Variants in YJEFN3 observed in about 807,000 individuals in gnomAD.
The protein encoded by YJEFN3 is yjeF N-terminal domain-containing protein 3.
Under a neutral mutation model 31.5 loss-of-function variants are expected in YJEFN3, and 29 were observed. That is an observed-to-expected ratio of 0.92 (90% CI 0.69 to 1.26). YJEFN3 has a LOEUF of 1.26. Ranked by LOEUF, YJEFN3 falls within the 50% of genes most tolerant of loss-of-function variation. The pLI, the probability that YJEFN3 is intolerant of heterozygous loss-of-function variation, is 0.00. For missense variants in YJEFN3, 442 were observed against 425.4 expected (o/e 1.04, Z -0.34); for synonymous variants, 227 against 196.1 (o/e 1.16, Z -1.32).
Position 19,535,056 on chromosome 19 carries a change from C to T in YJEFN3, c.341C>T (p.Ser114Phe). 1 of 1,608,206 alleles carries T rather than the reference C, an allele frequency of 6.2e-7. No homozygotes were observed. Among genetic ancestry groups the T allele is most frequent in the Non-Finnish European group, 8.5e-7 (1 of 1,177,012 alleles). The stretch of plus-strand genomic sequence containing the variant: ...CAGGCGTTCCCGTTGCCCGCTCTCT[C>T]CCGGAAGCAGAGGACGGTGCTGGTC... ...VTKAFPLPAL[S>F]RKQRTVLVVC... The change falls in exon 4 of 7, where the codon TCC becomes TTC. Residue 114 changes from serine (S) to phenylalanine (F), a missense_variant. Coordinates refer to ENST00000514277, the MANE Select transcript of YJEFN3 (RefSeq NM_198537.4).
intron 2 of YJEFN3, among the ~76,000 whole-genome samples, chr19:19,532,035 C>T (rs561774528): frequency 1.8e-4 from 27 of 152,072 alleles, no homozygotes; most frequent in East Asian, 1.7e-3. Context: ...GCACCGCGCC[C>T]GGCCTGGCCA....
chr19:19,535,831 C>T, intron 6 of YJEFN3, 152 bp downstream of exon 6: 1 of 1,040,710 alleles, frequency 9.6e-7, no homozygotes, highest in African/African-American at 1.6e-5. Flanking sequence ...CACACCCATC[C>T]CTCTGATGGG....
At chr19:19,532,928 A>G (rs2061172663) in intron 3 of YJEFN3, among the ~76,000 whole-genome samples, 188 bp downstream of exon 3, 1 of 151,994 alleles carries the variant, frequency 6.6e-6, no homozygotes, top group African/African-American at 2.4e-5. Flanking sequence ...GGGACCTGAG[A>G]CCCCTGGTAT....
intron 6 of YJEFN3, 77 bp from the exon 7 acceptor site, chr19:19,537,242 G>T (rs939720222): frequency 4.7e-5 from 63 of 1,335,456 alleles, no homozygotes; most frequent in Non-Finnish European, 6.2e-5. Flanking sequence ...AGGAGAGGAG[G>T]CAGGGACAGG....
intron 2 of YJEFN3, 124 bp downstream of exon 2, chr19:19,529,637 CA>C: frequency 7.5e-7 from 1 of 1,327,960 alleles, no homozygotes; most frequent in Non-Finnish European, 1.0e-6. Context: ...ATGCGTCCAA[CA>C]GCTCCTGCCC....
intron 3 of YJEFN3, chr19:19,533,463 GC>G (rs1397516235): frequency 4.5e-6 from 4 of 896,760 alleles, no homozygotes; most frequent in East Asian, 1.4e-4. Flanking sequence ...TCCTCCTCCT[GC>G]CCCCTCCTCT....
chr19:19,535,258 G>A, intron 4 of YJEFN3, 79 bp from the exon 5 acceptor site: 1 of 1,521,858 alleles, frequency 6.6e-7, no homozygotes. Flanking sequence ...TATAGAATAT[G>A]CCCAGTGCTT....
intron 3 of YJEFN3, chr19:19,533,004 T>C: frequency 8.0e-7 from 1 of 1,251,462 alleles, no homozygotes; most frequent in Non-Finnish European, 1.0e-6. Flanking sequence ...CAACCCCTCC[T>C]GCACATGTGA....
Position 19,529,124 on chromosome 19 carries a change from G to A in YJEFN3, c.59+133G>A, listed in dbSNP as rs933953647. 34 of 1,477,632 alleles carry A rather than the reference G, an allele frequency of 2.3e-5. No homozygotes were observed. In the African/African-American group the frequency reaches 4.6e-4, roughly 20 times the overall value. The allele number at this position is 1,477,632 out of a possible 1,614,324, so 91.5% of individuals were successfully genotyped here. A position where few individuals can be genotyped will look rare whatever the true frequency, so the allele number is the denominator to read the frequency against. ...ACTGGAGACGGGCACAGCCGGGATG[G>A]AGGTTCAACGGCAGAGGCATGACCA... On this transcript the variant is annotated intron_variant, in intron 1 of 6. Transcript: ENST00000514277.
In YJEFN3 at chr19:19,534,993, C is replaced by G. The variant is rs747966144; in HGVS notation, c.319-41C>G. ...GTTTCCTCTCCAGGCAAGGAGGAAT[C>G]TGGACTGTGCCTGTGCCTTTGCTGT... On this transcript the variant is annotated intron_variant, in intron 3 of 6. Coordinates refer to ENST00000514277, the MANE Select transcript of YJEFN3 (RefSeq NM_198537.4). This position sits in a 1 kb window ranked among gnomAD's most constrained non-coding sequence, Gnocchi z 4.6. 6.6e-7 allele frequency: 1 copy of G among 1,511,022 alleles called. No individual in the cohort carries two copies. Among genetic ancestry groups the G allele is most frequent in the South Asian group, 1.3e-5 (1 of 76,522 alleles). 93.6% of individuals were successfully genotyped at this position (1,511,022 alleles called of 1,614,324 possible).
Position 19,537,559 on chromosome 19 carries a change from C to T in YJEFN3, c.*35C>T. 6.7e-7 allele frequency: 1 copy of T among 1,492,026 alleles called. No individual in the cohort carries two copies. Among genetic ancestry groups the T allele is most frequent in the South Asian group, 1.3e-5 (1 of 78,800 alleles). 92.4% of individuals were successfully genotyped at this position (1,492,026 alleles called of 1,614,324 possible). On this transcript the variant is annotated 3_prime_UTR_variant, in exon 7 of 7. Coordinates refer to ENST00000514277, the MANE Select transcript of YJEFN3 (RefSeq NM_198537.4). ...GCGGCCACACCGCAGGGACCCTCGC[C>T]AATAAACAGCCCTCCCACCACCGCC...
At chr19:19,529,314 C>T in intron 1 of YJEFN3, 50 bp from the exon 2 acceptor site, 1 of 1,566,480 alleles carries the variant, frequency 6.4e-7, no homozygotes, top group Non-Finnish European at 8.6e-7. Flanking sequence ...GCTGGTCGCT[C>T]CCCCACCGAA....
At position 19,535,463 on chromosome 19, in the gene YJEFN3, T is replaced by C. The variant is rs2304098; in HGVS notation, c.543+13T>C. On this transcript the variant is annotated intron_variant, in intron 5 of 6. Transcript: ENST00000514277. ...CCTGCCCACTGAGGTCAGCGCTGGG[T>C]GGCAAGCAAGGGGGACATGGTGTGC... The C allele has an allele frequency of 0.37, 597,743 of 1,613,294 alleles. 115,650 individuals carry two copies. The highest frequency in any genetic ancestry group is 0.63 in the African/African-American group (47,026 of 74,996).
In YJEFN3 at chr19:19,537,467, C is replaced by T; in HGVS notation, c.843C>T (p.Arg281=). Reference sequence around the variant, plus strand: ...GGTTCGTGCCCGATGACGTGCGCCGCAAGTTCGCTCTGCGCCTGCCGGGAT... The same window carrying T: ...GGTTCGTGCCCGATGACGTGCGCCGTAAGTTCGCTCTGCGCCTGCCGGGAT... The part of the protein sequence containing the change: ...AGRFVPDDVR[R]KFALRLPGYT... The change falls in exon 7 of 7, where the codon CGC becomes CGT. Residue 281 remains arginine (R), a synonymous_variant. Coordinates refer to ENST00000514277, the MANE Select transcript of YJEFN3 (RefSeq NM_198537.4). 1 of 1,586,706 alleles carries T rather than the reference C, an allele frequency of 6.3e-7. No homozygotes were observed. Among genetic ancestry groups the T allele is most frequent in the Non-Finnish European group, 8.5e-7 (1 of 1,172,646 alleles).
At position 19,535,026 on chromosome 19, in the gene YJEFN3, AC is replaced by A; in HGVS notation, c.319-6del. 6.3e-7 allele frequency: 1 copy of A among 1,585,742 alleles called. No individual in the cohort carries two copies. Among genetic ancestry groups the A allele is most frequent in the Non-Finnish European group, 8.6e-7 (1 of 1,166,658 alleles). ...TGCCTGTGCCTTTGCTGTGTCCCCT[AC>A]CACCAGGCGTTCCCGTTGCCCGCTC... On this transcript the variant is annotated splice_polypyrimidine_tract_variant and splice_region_variant and intron_variant, in intron 3 of 6. Transcript: ENST00000514277.
intron 4 of YJEFN3, 67 bp from the exon 5 acceptor site, chr19:19,535,270 T>A: frequency 6.5e-7 from 1 of 1,546,276 alleles, no homozygotes; most frequent in South Asian, 1.1e-5. Flanking sequence ...CCAGTGCTTG[T>A]CCCAGGCAGG....
rs1329023881 is a variant in YJEFN3, at chr19:19,534,362, A to ACAGAGACACAAAGAGAGC, written c.319-661_319-644dup. 5.1e-6 allele frequency: 1 copy of ACAGAGACACAAAGAGAGC among 194,706 alleles called. No homozygotes were observed. The highest frequency in any genetic ancestry group is 9.4e-6 in the Non-Finnish European group (1 of 106,832). The allele number at this position is 194,706 out of a possible 1,614,324, so 12.1% of individuals were successfully genotyped here. On this transcript the variant is annotated intron_variant, in intron 3 of 6. Coordinates refer to ENST00000514277, the MANE Select transcript of YJEFN3 (RefSeq NM_198537.4). This position sits in a 1 kb window ranked among gnomAD's most constrained non-coding sequence, Gnocchi z 4.6. ...GACAGCCAGAGACAGATGGAGAGAG[A>ACAGAGACACAAAGAGAGC]CAGAGACACAAAGAGAGCCAGAGAC...
intron 6 of YJEFN3, chr19:19,535,899 G>A: frequency 1.5e-6 from 1 of 662,786 alleles, no homozygotes; most frequent in Non-Finnish European, 2.6e-6. Flanking sequence ...CCACCCCAGT[G>A]CCCAGCCCAC....
rs550835735 is a variant in YJEFN3, at chr19:19,537,535, C to T, written c.*11C>T. ...GTCGCGGCACTGTGACCGCCACCCG[C>T]GGCCACACCGCAGGGACCCTCGCCA... On this transcript the variant is annotated 3_prime_UTR_variant, in exon 7 of 7. Transcript: ENST00000514277. The T allele has an allele frequency of 1.3e-6, 2 of 1,541,838 alleles. No homozygotes were observed. Among genetic ancestry groups the T allele is most frequent in the Admixed American group, 3.6e-5 (2 of 54,836 alleles).
Sources: allele counts gnomAD v4.1 joint callset (sites outside exome capture counted in the v4.1 genomes callset), GRCh38; gene constraint gnomAD v4.1.1; non-coding constraint Gnocchi (gnomAD v3.1); transcripts MANE v1.5; gene names NCBI Gene and HGNC (gene_info 2026-07-23, HGNC 2026-07-21).